The following TES variants were observed in gnomAD, a reference collection of about 807,000 sequenced individuals.
The protein encoded by TES is testin LIM domain protein.
TES carries 41 observed loss-of-function variants against 48.2 expected under a neutral mutation model. That is an observed-to-expected ratio of 0.85 (90% CI 0.66 to 1.10). TES has a LOEUF of 1.10. Among genes scored for constraint, TES ranks in the 50% least tolerant of loss-of-function variants. TES has a pLI of 0.00. For missense variants in TES, 463 were observed against 515.1 expected (o/e 0.90, Z 0.98); for synonymous variants, 162 against 174.9 (o/e 0.93, Z 0.58).
At chr7:116,248,858 T>C (rs1181995429) in intron 2 of TES, among the ~76,000 whole-genome samples, 162 bp from the exon 3 acceptor site, 1 of 152,174 alleles carries the variant, frequency 6.6e-6, no homozygotes, top group Non-Finnish European at 1.5e-5. Flanking sequence ...GTTTCCTTCT[T>C]GCTTAAATAT....
At chr7:116,210,957 C>G (rs1056277158) in intron 1 of TES, 3 of 345,830 alleles carry the variant, frequency 8.7e-6, no homozygotes. Context: ...ATTGGAAGCG[C>G]GAGCGAGGGC....
At chr7:116,236,381 T>C (rs6979524) in intron 2 of TES, among the ~76,000 whole-genome samples, 18,235 of 152,208 alleles carry the variant, frequency 0.12, 1,100 homozygotes, top group South Asian at 0.19. Context: ...CATTCAAACC[T>C]TTGTGTCTTG....
chr7:116,234,039 C>T (rs929953208), intron 1 of TES, among the ~76,000 whole-genome samples: 2 of 152,232 alleles, frequency 1.3e-5, no homozygotes, highest in Admixed American at 6.5e-5. Flanking sequence ...AAAGCCATAG[C>T]ACTGGCATTC....
In TES at chr7:116,251,916, C is replaced by G. The variant is rs774083882; in HGVS notation, c.859C>G (p.Leu287Val). ...DMIYFWKNEKLYCGRHYCDSE... is the reference protein window; with the variant it reads ...DMIYFWKNEKVYCGRHYCDSE... ...GATTTATTTTTGGAAGAATGAGAAG[C>G]TATACTGTGGCAGACATTACTGTGA... Residue 287 changes from leucine (L) to valine (V), a missense_variant, in exon 5 of 7, where the codon CTA (leucine) becomes GTA (valine). Physicochemically the swap from Leu to Val is conservative, Grantham distance 32. Coordinates refer to ENST00000358204, the MANE Select transcript of TES (RefSeq NM_015641.4). 4 of 1,613,968 alleles carry G rather than the reference C, an allele frequency of 2.5e-6. No individual in the cohort carries two copies. In the African/African-American group the frequency reaches 5.3e-5, roughly 22 times the overall value.
chr7:116,222,607 G>A (rs567830396), intron 1 of TES, among the ~76,000 whole-genome samples: 27 of 152,184 alleles, frequency 1.8e-4, no homozygotes, highest in Admixed American at 2.6e-4. Context: ...AAGAATGATC[G>A]CAGTATTCAA....
At chr7:116,248,970 ATATC>A in intron 2 of TES, 46 bp from the exon 3 acceptor site, 1 of 1,486,800 alleles carries the variant, frequency 6.7e-7, no homozygotes. Flanking sequence ...ATGAACATAA[ATATC>A]AATTAGGTAC....
At chr7:116,229,925 T>C (rs1013022625) in intron 1 of TES, among the ~76,000 whole-genome samples, 3 of 152,170 alleles carry the variant, frequency 2.0e-5, no homozygotes, top group Non-Finnish European at 2.9e-5. Context: ...GATAAAAATA[T>C]GGAAAAAGTT....
intron 1 of TES, chr7:116,223,172 CT>C (rs1446354294): frequency 9.3e-6 from 2 of 213,950 alleles, no homozygotes; most frequent in East Asian, 1.8e-4. Context: ...AAGTACAAAC[CT>C]TTTTTATTTT....
Position 116,250,314 on chromosome 7 carries a change from G to A in TES, c.520G>A (p.Glu174Lys). 1 of 1,613,786 alleles carries A rather than the reference G, an allele frequency of 6.2e-7. No individual in the cohort carries two copies. Among genetic ancestry groups the A allele is most frequent in the Non-Finnish European group, 8.5e-7 (1 of 1,179,834 alleles). ...CHELSPREVK[E>K]MEQFVKKYKS... is the part of the protein sequence containing the mutation. ...TGAGTTGTCTCCCAGAGAGGTGAAG[G>A]AGATGGAGCAGTTTGTGAAGAAATA... is the stretch of plus-strand genomic sequence containing the variant. Residue 174 changes from glutamate to lysine, a missense_variant, in exon 4 of 7, where the codon GAG becomes AAG. By Grantham distance (56) the Glu-to-Lys change is moderately conservative. Coordinates refer to ENST00000358204, the MANE Select transcript of TES (RefSeq NM_015641.4).
At chr7:116,243,995 C>G (rs1312410776) in intron 2 of TES, 1 of 152,176 alleles carries the variant, frequency 6.6e-6, no homozygotes, top group Admixed American at 6.5e-5. Context: ...AACTCACTCA[C>G]CATCACGAGA....
intron 6 of TES, 65 bp downstream of exon 6, chr7:116,252,541 T>G (rs117301136): frequency 1.2e-6 from 2 of 1,608,570 alleles, no homozygotes; most frequent in Non-Finnish European, 1.7e-6. Flanking sequence ...ATGCTTTTCT[T>G]AAAGCCTCTT....
chr7:116,249,377 A>T (rs1799972021), intron 3 of TES, 105 bp downstream of exon 3: 15 of 1,327,956 alleles, frequency 1.1e-5, no homozygotes, highest in African/African-American at 1.5e-5. Flanking sequence ...CAGATCTGTT[A>T]TTCTTCCGGG....
In TES at chr7:116,249,001, C is replaced by T; in HGVS notation, c.114-19C>T. On this transcript the variant is annotated intron_variant, in intron 2 of 6. Transcript: ENST00000358204. Reference sequence around the variant, plus strand: ...ATTAGGTACAATTAATCATTTTCTACTTATTTTCAAAATTATAGAAAAATA... The same window carrying T: ...ATTAGGTACAATTAATCATTTTCTATTTATTTTCAAAATTATAGAAAAATA... The T allele has an allele frequency of 6.4e-7, 1 of 1,553,814 alleles. No homozygotes were observed. The highest frequency in any genetic ancestry group is 2.3e-5 in the East Asian group (1 of 43,680).
chr7:116,245,177 G>T (rs1275356670), intron 2 of TES, among the ~76,000 whole-genome samples: 1 of 152,180 alleles, frequency 6.6e-6, no homozygotes, highest in Admixed American at 6.5e-5. Flanking sequence ...TCTGCAGCGG[G>T]CTTGAATCCC....
chr7:116,253,874 G>A (rs958240906), intron 6 of TES, among the ~76,000 whole-genome samples: 5 of 152,060 alleles, frequency 3.3e-5, no homozygotes, highest in Non-Finnish European at 7.4e-5. Flanking sequence ...GGGTGTGTGT[G>A]TGTGTGAATA....
chr7:116,218,183 C>G (rs562758249), intron 1 of TES, among the ~76,000 whole-genome samples: 2 of 152,216 alleles, frequency 1.3e-5, no homozygotes, highest in East Asian at 3.9e-4. Flanking sequence ...GCTGAATTAT[C>G]CTCAAACCAT....
intron 1 of TES, among the ~76,000 whole-genome samples, chr7:116,227,394 T>C (rs929088983): frequency 6.6e-6 from 1 of 152,134 alleles, no homozygotes; most frequent in Non-Finnish European, 1.5e-5. Flanking sequence ...ATTGCTGGGA[T>C]TACAGGCATG....
intron 2 of TES, 38 bp downstream of exon 2, chr7:116,234,657 T>G: frequency 6.5e-7 from 1 of 1,548,752 alleles, no homozygotes; most frequent in Non-Finnish European, 8.9e-7. Flanking sequence ...TAGTAATTTA[T>G]ACTTTTTGCA....
intron 6 of TES, 126 bp from the exon 7 acceptor site, chr7:116,257,168 A>C: frequency 9.8e-7 from 1 of 1,023,620 alleles, no homozygotes; most frequent in Non-Finnish European, 1.4e-6. Flanking sequence ...GCCACCCTCC[A>C]TTGTGTATTT....
Sources: allele counts gnomAD v4.1 joint callset (sites outside exome capture counted in the v4.1 genomes callset), GRCh38; gene constraint gnomAD v4.1.1; transcripts MANE v1.5; gene names NCBI Gene and HGNC (gene_info 2026-07-23, HGNC 2026-07-21).